The following GRID1 variants were observed in gnomAD, a reference collection of about 807,000 sequenced individuals.
GRID1 encodes the protein glutamate ionotropic receptor delta type subunit 1.
GRID1 carries 28 observed loss-of-function variants against 98.0 expected under a neutral mutation model. That is an observed-to-expected ratio of 0.29 (90% CI 0.21 to 0.39). GRID1 has a LOEUF of 0.39. Among genes scored for constraint, GRID1 ranks in the 10% least tolerant of loss-of-function variants. GRID1 has a pLI of 1.00. For missense variants in GRID1, 1,111 were observed against 1,340.5 expected (o/e 0.83, Z 2.67); for synonymous variants, 553 against 538.5 (o/e 1.03, Z -0.37).
chr10:85,925,513 T>C (rs1034078922), intron 4 of GRID1, among the ~76,000 whole-genome samples: 2 of 152,208 alleles, frequency 1.3e-5, no homozygotes, highest in African/African-American at 4.8e-5. Context: ...CAGGTGGCTG[T>C]GTTGAGCCAT....
At position 85,903,915 on chromosome 10, in the gene GRID1, T is replaced by C. The variant is rs376399577; in HGVS notation, c.780+12271A>G. Among the ~76,000 whole-genome samples the C allele has an allele frequency of 2.6e-5, 4 of 152,326 alleles. No individual in the cohort carries two copies. In the South Asian group the frequency reaches 6.2e-4, roughly 24 times the overall value. On this transcript the variant is annotated intron_variant, in intron 5 of 15. Coordinates refer to ENST00000327946, the MANE Select transcript of GRID1 (RefSeq NM_017551.3). ...AATGTTACCTCATCAAATAGATTTC[T>C]CATGGGCACCCTATGTAAAGTGGAA... is the stretch of plus-strand genomic sequence containing the variant.
chr10:86,290,943 G>C (rs1847503605), intron 2 of GRID1, among the ~76,000 whole-genome samples: 1 of 152,150 alleles, frequency 6.6e-6, no homozygotes, highest in South Asian at 2.1e-4. Context: ...TCCTGGAGAG[G>C]AAGCGGCCCA....
At chr10:86,248,321 C>T (rs1039511919) in intron 2 of GRID1, among the ~76,000 whole-genome samples, 1 of 152,142 alleles carries the variant, frequency 6.6e-6, no homozygotes, top group Non-Finnish European at 1.5e-5. Context: ...ATGCTGGGCC[C>T]CACCTCAGCA....
intron 5 of GRID1, among the ~76,000 whole-genome samples, chr10:85,878,856 G>A (rs971187214): frequency 5.3e-5 from 8 of 152,014 alleles, no homozygotes; most frequent in Non-Finnish European, 7.4e-5. Flanking sequence ...ACCCATCAGT[G>A]TGCTGTATTC....
At chr10:86,330,738 C>T (rs543619864) in intron 2 of GRID1, among the ~76,000 whole-genome samples, 1 of 152,306 alleles carries the variant, frequency 6.6e-6, no homozygotes, top group African/African-American at 2.4e-5. Flanking sequence ...CAGGTGAGGC[C>T]AGATGCCGAG....
At chr10:85,727,710 CA>C in intron 10 of GRID1, 144 bp downstream of exon 10, 1 of 639,850 alleles carries the variant, frequency 1.6e-6, no homozygotes, top group Middle Eastern at 4.3e-4. Context: ...GATTTGAAGA[CA>C]AAAGAGCCTT....
At chr10:85,624,751 A>G (rs1234226259) in intron 13 of GRID1, among the ~76,000 whole-genome samples, 2 of 152,226 alleles carry the variant, frequency 1.3e-5, no homozygotes, top group East Asian at 3.8e-4. Flanking sequence ...GAGTAATACA[A>G]TAATACAGAA....
intron 2 of GRID1, among the ~76,000 whole-genome samples, chr10:86,281,980 A>C (rs919328796): frequency 2.0e-5 from 3 of 152,160 alleles, no homozygotes; most frequent in African/African-American, 7.2e-5. Flanking sequence ...CTCAGTGGAA[A>C]GCACAATAGC....
At chr10:85,826,020 G>C (rs979912873) in intron 8 of GRID1, among the ~76,000 whole-genome samples, 6 of 152,194 alleles carry the variant, frequency 3.9e-5, no homozygotes, top group African/African-American at 1.4e-4. Flanking sequence ...TATATTGACT[G>C]TAAGTAGATA....
chr10:85,829,985 G>T (rs984880328), intron 8 of GRID1, among the ~76,000 whole-genome samples: 3 of 152,182 alleles, frequency 2.0e-5, no homozygotes, highest in Non-Finnish European at 4.4e-5. Context: ...GAACCAAAAA[G>T]AGCCCAAATA....
At chr10:86,127,638 G>A (rs1202842367) in intron 4 of GRID1, among the ~76,000 whole-genome samples, 2 of 152,186 alleles carry the variant, frequency 1.3e-5, no homozygotes, top group African/African-American at 2.4e-5. Context: ...AACCCCAGCT[G>A]GGCTGGCTGG....
intron 5 of GRID1, among the ~76,000 whole-genome samples, chr10:85,882,469 G>T (rs913796257): frequency 1.2e-4 from 19 of 152,300 alleles, no homozygotes; most frequent in African/African-American, 4.6e-4. Flanking sequence ...CATGTCCTTT[G>T]TAGGGACATG....
At chr10:85,815,820 C>G (rs1477017200) in intron 8 of GRID1, among the ~76,000 whole-genome samples, 1 of 151,890 alleles carries the variant, frequency 6.6e-6, no homozygotes, top group African/African-American at 2.4e-5. Context: ...AAACTCTTAT[C>G]TAATGAACAC....
intron 2 of GRID1, among the ~76,000 whole-genome samples, chr10:86,236,645 C>A (rs1846544633): frequency 6.6e-6 from 1 of 152,194 alleles, no homozygotes; most frequent in Non-Finnish European, 1.5e-5. Context: ...CCAGTCTTCA[C>A]ACAGCAAAGT....
chr10:85,898,268 C>G (rs181819357), intron 5 of GRID1, among the ~76,000 whole-genome samples: 6 of 152,084 alleles, frequency 3.9e-5, no homozygotes, highest in Non-Finnish European at 1.5e-5. Context: ...AGGACACTTA[C>G]GATGAATGGA....
chr10:85,821,381 G>A lies in GRID1; in HGVS notation c.1233+33115C>T, dbSNP rs113917431. Among the ~76,000 whole-genome samples, 865 of 151,582 alleles carry A rather than the reference G, an allele frequency of 5.7e-3. 8 individuals are homozygous for A. Among genetic ancestry groups the A allele is most frequent in the African/African-American group, 0.02 (811 of 41,380 alleles). Reference sequence around the variant, plus strand: ...AAAATACAAAAATTAGCTGGGCATGGTGGCAGGTGCGTGTAATCCCAGCTA... The same window carrying A: ...AAAATACAAAAATTAGCTGGGCATGATGGCAGGTGCGTGTAATCCCAGCTA... On this transcript the variant is annotated intron_variant, in intron 8 of 15. Transcript: ENST00000327946.
At chr10:86,020,363 C>T (rs1019538550) in intron 4 of GRID1, among the ~76,000 whole-genome samples, 2 of 152,192 alleles carry the variant, frequency 1.3e-5, no homozygotes, top group Non-Finnish European at 2.9e-5. Context: ...CTGGCGCTGA[C>T]CGACTGAGCC....
chr10:86,121,942 C>A (rs181852028), intron 4 of GRID1, among the ~76,000 whole-genome samples: 38 of 152,278 alleles, frequency 2.5e-4, no homozygotes, highest in Middle Eastern at 6.8e-3. Context: ...TGCTCCTTAC[C>A]TTGATTGCTT....
intron 12 of GRID1, among the ~76,000 whole-genome samples, chr10:85,694,093 A>T (rs142396470): frequency 1.2e-3 from 182 of 152,286 alleles, no homozygotes; most frequent in African/African-American, 4.2e-3. Context: ...AAAGCAAAGA[A>T]CCTCATTAAA....
Sources: allele counts gnomAD v4.1 joint callset (sites outside exome capture counted in the v4.1 genomes callset), GRCh38; gene constraint gnomAD v4.1.1; transcripts MANE v1.5; gene names NCBI Gene and HGNC (gene_info 2026-07-23, HGNC 2026-07-21).